KBTBD12: variants seen among roughly 807,000 people sequenced by gnomAD.
KBTBD12 encodes kelch repeat and BTB domain containing 12, also known as kelch repeat and BTB domain-containing protein 12.
In KBTBD12, 53 loss-of-function variants were observed where a neutral mutation model predicts 58.7. The observed-to-expected ratio is 0.90, with a 90% CI of 0.72 to 1.14. KBTBD12 has a LOEUF of 1.14. KBTBD12 is among the 50% of genes most tolerant of loss of function. KBTBD12 has a pLI of 0.00. For synonymous variants in KBTBD12, 236 were observed against 259.8 expected, an observed-to-expected ratio of 0.91 and a Z score of 0.88; for missense variants, 704 against 751.3, an observed-to-expected ratio of 0.94 and a Z score of 0.74.
chr3:127,919,046 A>G (rs888212174), intron 1 of KBTBD12, among the ~76,000 whole-genome samples: 18 of 152,312 alleles, frequency 1.2e-4, no homozygotes, highest in African/African-American at 4.3e-4. Flanking sequence ...TGGATTGCCA[A>G]GGAACAAAGT....
At chr3:127,977,822 T>G (rs1278107632) in intron 5 of KBTBD12, among the ~76,000 whole-genome samples, 2 of 152,230 alleles carry the variant, frequency 1.3e-5, no homozygotes, top group Non-Finnish European at 2.9e-5. Context: ...CAGAAGCTCT[T>G]TAGTTTAATT....
At chr3:127,959,016 G>A (rs1229755038) in intron 4 of KBTBD12, among the ~76,000 whole-genome samples, 1 of 152,138 alleles carries the variant, frequency 6.6e-6, no homozygotes, top group African/African-American at 2.4e-5. Flanking sequence ...AAATACCCAA[G>A]AGCCTCCTGT....
chr3:127,924,962 C>T (rs570124909), intron 2 of KBTBD12, among the ~76,000 whole-genome samples: 1 of 152,284 alleles, frequency 6.6e-6, no homozygotes, highest in South Asian at 2.1e-4. Flanking sequence ...CATAGTAAAA[C>T]TTTCCCCCAA....
intron 4 of KBTBD12, among the ~76,000 whole-genome samples, chr3:127,957,060 A>T (rs149639651): frequency 6.6e-6 from 1 of 152,300 alleles, no homozygotes; most frequent in East Asian, 1.9e-4. Flanking sequence ...GAAAATATCG[A>T]TTACCAAAAA....
At chr3:127,960,213 A>G (rs537233244) in intron 4 of KBTBD12, among the ~76,000 whole-genome samples, 2 of 152,164 alleles carry the variant, frequency 1.3e-5, no homozygotes, top group African/African-American at 4.8e-5. Flanking sequence ...GGAGAGGTTC[A>G]CTCCTGCACC....
chr3:127,968,478 A>T (rs1230624541), intron 5 of KBTBD12, among the ~76,000 whole-genome samples: 2 of 152,376 alleles, frequency 1.3e-5, no homozygotes, highest in South Asian at 4.1e-4. Flanking sequence ...ATAGGTTAGT[A>T]GCCTTTATGA....
At chr3:127,976,608 C>A (rs1219372972) in intron 5 of KBTBD12, among the ~76,000 whole-genome samples, 5 of 152,184 alleles carry the variant, frequency 3.3e-5, no homozygotes. Context: ...ATTACCTAGT[C>A]AAGATATGGT....
At chr3:127,971,499 C>T (rs1017445019) in intron 5 of KBTBD12, among the ~76,000 whole-genome samples, 4 of 152,224 alleles carry the variant, frequency 2.6e-5, no homozygotes, top group Admixed American at 1.3e-4. Flanking sequence ...TGAGACTCAA[C>T]TGCATATTCT....
chr3:127,922,368 GC>G (rs1939431781), intron 1 of KBTBD12, among the ~76,000 whole-genome samples: 1 of 152,088 alleles, frequency 6.6e-6, no homozygotes, highest in African/African-American at 2.4e-5. Context: ...GCCTTCCAAA[GC>G]CCAGTAGATA....
chr3:127,961,724 C>T (rs1410755962), intron 4 of KBTBD12, among the ~76,000 whole-genome samples: 3 of 146,870 alleles, frequency 2.0e-5, no homozygotes, highest in African/African-American at 5.1e-5. Flanking sequence ...ACTTCTCATT[C>T]TTCATTCCAA....
chr3:127,921,916 A>C (rs1370132455), intron 1 of KBTBD12, among the ~76,000 whole-genome samples: 2 of 152,114 alleles, frequency 1.3e-5, no homozygotes, highest in Non-Finnish European at 2.9e-5. Flanking sequence ...AGTCACCCCA[A>C]AAGGATATTA....
chr3:127,957,802 G>A (rs1168663506), intron 4 of KBTBD12, among the ~76,000 whole-genome samples: 3 of 152,152 alleles, frequency 2.0e-5, no homozygotes, highest in Non-Finnish European at 2.9e-5. Flanking sequence ...CTGCCCTCAA[G>A]GGACTTACAG....
chr3:127,962,278 C>G (rs371820063), intron 4 of KBTBD12, among the ~76,000 whole-genome samples: 1 of 152,130 alleles, frequency 6.6e-6, no homozygotes, highest in African/African-American at 2.4e-5. Flanking sequence ...CCAGTGTGGA[C>G]TTGGGAGGGG....
Position 127,986,083 on chromosome 3 carries a change from A to G in KBTBD12, c.*1805A>G, listed in dbSNP as rs1940959931. 1 of 152,552 alleles carries G rather than the reference A, an allele frequency of 6.6e-6. No homozygotes were observed. The highest frequency in any genetic ancestry group is 1.5e-5 in the Non-Finnish European group (1 of 68,040). The allele number at this position is 152,552 out of a possible 1,614,324, so 9.4% of individuals were successfully genotyped here. On this transcript the variant is annotated 3_prime_UTR_variant, in exon 6 of 6. Coordinates refer to ENST00000405109, the MANE Select transcript of KBTBD12 (RefSeq NM_207335.4). ...ACTCCACCTGCTCCACCTGCTTGAA[A>G]AGTCCAGAAAGCTGCCGCGTCTCCC...
intron 2 of KBTBD12, among the ~76,000 whole-genome samples, chr3:127,925,474 TA>T (rs930493789): frequency 7.2e-5 from 11 of 152,196 alleles, no homozygotes; most frequent in Non-Finnish European, 1.5e-5. Flanking sequence ...CTCCTCAAGA[TA>T]GTCTACAATT....
chr3:127,960,122 C>T (rs1020973315), intron 4 of KBTBD12, among the ~76,000 whole-genome samples: 2 of 152,160 alleles, frequency 1.3e-5, no homozygotes, highest in African/African-American at 4.8e-5. Context: ...GGAGCAAGCA[C>T]CACTGCATTC....
chr3:127,935,297 T>G (rs771406267), intron 4 of KBTBD12, among the ~76,000 whole-genome samples: 1 of 152,152 alleles, frequency 6.6e-6, no homozygotes, highest in Non-Finnish European at 1.5e-5. Flanking sequence ...GCAGATGTAA[T>G]ATATATGACA....
At chr3:127,971,193 C>G (rs560528285) in intron 5 of KBTBD12, among the ~76,000 whole-genome samples, 1 of 152,236 alleles carries the variant, frequency 6.6e-6, no homozygotes, top group East Asian at 1.9e-4. Flanking sequence ...AAACTATTCC[C>G]TGCTATAAGA....
chr3:127,975,433 ACCAC>A (rs1940767265), intron 5 of KBTBD12, among the ~76,000 whole-genome samples: 1 of 152,172 alleles, frequency 6.6e-6, no homozygotes, highest in African/African-American at 2.4e-5. Context: ...TGGCACCCTA[ACCAC>A]CCACCTTCAA....
Sources: gnomAD v4.1 joint callset for allele counts (sites outside exome capture counted in the v4.1 genomes callset) on GRCh38, gnomAD v4.1.1 for gene constraint, MANE v1.5 for transcripts, NCBI Gene and HGNC (gene_info 2026-07-23, HGNC 2026-07-21) for gene names.